PLAGL1: variants seen among roughly 807,000 people sequenced by gnomAD.
PLAGL1 encodes zinc finger protein PLAGL1.
Under a neutral mutation model 4.6 loss-of-function variants are expected in PLAGL1, and 1 was observed. The ratio of observed to expected loss-of-function variants is 0.22; its 90% CI spans 0.08 to 1.03. The LOEUF (loss-of-function observed/expected upper bound fraction) is 1.03. PLAGL1 is among the 50% of genes least tolerant of loss of function. PLAGL1 has a pLI of 0.58. For missense variants in PLAGL1, 464 were observed against 570.4 expected (o/e 0.81, Z 1.90); for synonymous variants, 240 against 237.8 (o/e 1.01, Z -0.08).
chr6:143,981,263 TG>T (rs1196487692), intron 2 of PLAGL1, among the ~76,000 whole-genome samples: 6 of 56,426 alleles, frequency 1.1e-4, no homozygotes, highest in Non-Finnish European at 2.2e-4. Context: ...GGGGGTGGGG[TG>T]GGGGGGACAC....
At chr6:144,026,886 T>C (rs1796380980) in intron 1 of PLAGL1, among the ~76,000 whole-genome samples, 1 of 152,068 alleles carries the variant, frequency 6.6e-6, no homozygotes, top group Non-Finnish European at 1.5e-5. Flanking sequence ...GACTTCTCAG[T>C]GCAAATTAAG....
At chr6:143,986,784 A>C (rs577898049) in intron 1 of PLAGL1, among the ~76,000 whole-genome samples, 1 of 152,310 alleles carries the variant, frequency 6.6e-6, no homozygotes, top group Admixed American at 6.5e-5. Flanking sequence ...ACAGTGCTTA[A>C]AAGGCGCCTG....
chr6:143,985,977 T>G lies in PLAGL1; in HGVS notation c.-583-803A>C, dbSNP rs544344693. Among the ~76,000 whole-genome samples the G allele has an allele frequency of 5.2e-3, 394 of 76,288 alleles. 6 individuals carry two copies. Among genetic ancestry groups the G allele is most frequent in the Middle Eastern group, 0.037 (6 of 160 alleles). 50.0% of individuals were successfully genotyped at this position (76,288 alleles called of 152,430 possible). A position where few individuals can be genotyped will look rare whatever the true frequency, so the allele number is the denominator to read the frequency against. On this transcript the variant is annotated intron_variant, in intron 1 of 7. Transcript: ENST00000674357. This position sits in a 1 kb window ranked among gnomAD's most constrained non-coding sequence, Gnocchi z 4.4. ...ACATATATATCAAATTATATATATA[T>G]AAAATTATATATATATATATATATA...
chr6:143,973,787 G>C lies in PLAGL1; in HGVS notation c.-543-4809C>G, dbSNP rs1451672928. 6.6e-6 allele frequency among the ~76,000 whole-genome samples: 1 copy of C among 152,188 alleles called. No homozygotes were observed. The highest frequency in any genetic ancestry group is 1.9e-4 in the East Asian group (1 of 5,198). On this transcript the variant is annotated intron_variant, in intron 2 of 7. Transcript: ENST00000674357. The surrounding 1 kb of genome is among the most constrained non-coding windows in gnomAD (Gnocchi z 6.2). ...AAGCTACTACAACGTGATGAATTCAGAGCTGCAGTTTCTAGGGTTACCTTA... is the reference window on the plus strand; with the variant it reads ...AAGCTACTACAACGTGATGAATTCACAGCTGCAGTTTCTAGGGTTACCTTA...
At position 144,022,407 on chromosome 6, in the gene PLAGL1, CA is replaced by C. The variant is rs2128699477; in HGVS notation, c.-151+42060del. ...ACAATACAAAATGTTAACAAGGATG[CA>C]GAGCAACAATCCATCATTGGTGATG... On this transcript the variant is annotated intron_variant, in intron 1 of 3. Transcript: ENST00000437412. The surrounding 1 kb of genome is among the most constrained non-coding windows in gnomAD (Gnocchi z 4.2). Among the ~76,000 whole-genome samples the C allele has an allele frequency of 6.6e-6, 1 of 152,266 alleles. No individual in the cohort carries two copies. Among genetic ancestry groups the C allele is most frequent in the South Asian group, 2.1e-4 (1 of 4,824 alleles).
rs776348354 is a variant in PLAGL1 at position 143,947,469 on chromosome 6, G to A, written c.152+516C>T. Among the ~76,000 whole-genome samples the A allele has an allele frequency of 3.3e-5, 5 of 152,184 alleles. No individual in the cohort carries two copies. Among genetic ancestry groups the A allele is most frequent in the Admixed American group, 1.3e-4 (2 of 15,274 alleles). On this transcript the variant is annotated intron_variant, in intron 7 of 7. Transcript: ENST00000674357. The surrounding 1 kb of genome is among the most constrained non-coding windows in gnomAD (Gnocchi z 4.3). Reference sequence around the variant, plus strand: ...CAGACAGAGGTAAGGCCTGCTATACGTGGCTTCCTTCCTGCCTGCACTTTT... The same window carrying A: ...CAGACAGAGGTAAGGCCTGCTATACATGGCTTCCTTCCTGCCTGCACTTTT...
rs750005818 is a variant in PLAGL1, at chr6:143,952,158, C to G, written c.-324-3698G>C. Among the ~76,000 whole-genome samples, 1 of 152,214 alleles carries G rather than the reference C, an allele frequency of 6.6e-6. No individual in the cohort carries two copies. The highest frequency in any genetic ancestry group is 2.4e-5 in the African/African-American group (1 of 41,448). ...GGGTATATACAACATCTCTCATCAC[C>G]ACGCACTTGATCAGTTCAAAGGCTG... On this transcript the variant is annotated intron_variant, in intron 6 of 7. Coordinates refer to ENST00000674357, the MANE Select transcript of PLAGL1 (RefSeq NM_001317162.2). This position sits in a 1 kb window ranked among gnomAD's most constrained non-coding sequence, Gnocchi z 6.1.
chr6:144,021,506 C>T (rs1795976652), intron 1 of PLAGL1, among the ~76,000 whole-genome samples: 1 of 152,094 alleles, frequency 6.6e-6, no homozygotes, highest in Non-Finnish European at 1.5e-5. Flanking sequence ...ATGAGACCTG[C>T]TTTTTAATGA....
chr6:144,009,581 AG>A (rs1311835866), upstream of PLAGL1, among the ~76,000 whole-genome samples: 1 of 152,194 alleles, frequency 6.6e-6, no homozygotes, highest in Non-Finnish European at 1.5e-5. Flanking sequence ...TTTGTTACAT[AG>A]GTATACACAT....
Position 143,970,532 on chromosome 6 carries a change from T to G in PLAGL1, c.-543-1554A>C, listed in dbSNP as rs1785225095. 6.6e-6 allele frequency among the ~76,000 whole-genome samples: 1 copy of G among 152,150 alleles called. No homozygotes were observed. Among genetic ancestry groups the G allele is most frequent in the Non-Finnish European group, 1.5e-5 (1 of 68,020 alleles). The stretch of plus-strand genomic sequence containing the variant: ...ATAGCTTTCTTGCAACTAAATCTAG[T>G]GGGTAAGGAGGATGTCTTGTTTTCA... On this transcript the variant is annotated intron_variant, in intron 2 of 7. Coordinates refer to ENST00000674357, the MANE Select transcript of PLAGL1 (RefSeq NM_001317162.2). The surrounding 1 kb of genome is among the most constrained non-coding windows in gnomAD (Gnocchi z 5.8).
In PLAGL1 at chr6:143,942,227, C is replaced by T. The variant is rs1778793806; in HGVS notation, c.589G>A (p.Asp197Asn). ...QFCAQRFGRK[D>N]HLTRHTKKTH... is the part of the protein sequence containing the mutation. ...TTCTTGGTATGCCGGGTGAGGTGAT[C>T]CTTGCGCCCAAATCTCTGGGCACAG... Residue 197 changes from aspartate (D) to asparagine (N), a missense_variant, in exon 8 of 8, where the codon GAT becomes AAT. Physicochemically the swap from Asp to Asn is conservative, Grantham distance 23. Around this residue, in one of 4 missense-constraint regions of PLAGL1, gnomAD observed 35 missense variants for 77.3 expected, o/e 0.45. Coordinates refer to ENST00000674357, the MANE Select transcript of PLAGL1 (RefSeq NM_001317162.2). This position sits in a 1 kb window ranked among gnomAD's most constrained non-coding sequence, Gnocchi z 7.6. 2 of 1,614,046 alleles carry T rather than the reference C, an allele frequency of 1.2e-6. No individual in the cohort carries two copies. The highest frequency in any genetic ancestry group is 1.7e-6 in the Non-Finnish European group (2 of 1,179,974).
At chr6:144,045,548 G>A (rs575943816) in intron 1 of PLAGL1, among the ~76,000 whole-genome samples, 58 of 152,244 alleles carry the variant, frequency 3.8e-4, no homozygotes, top group African/African-American at 1.3e-3. Context: ...AGTTTCTGGC[G>A]AGAGATCCAC....
In PLAGL1 at chr6:143,957,801, A is replaced by G. The variant is rs763929116; in HGVS notation, c.-325+2668T>C. ...GTGGACTGTTTGATCCTAAAATAAC[A>G]TATCACTAAATAAACAGAAAAAGGC... On this transcript the variant is annotated intron_variant, in intron 6 of 7. Transcript: ENST00000674357. This position sits in a 1 kb window ranked among gnomAD's most constrained non-coding sequence, Gnocchi z 4.2. Among the ~76,000 whole-genome samples the G allele has an allele frequency of 2.4e-4, 37 of 152,238 alleles. No individual in the cohort carries two copies. Among genetic ancestry groups the G allele is most frequent in the Non-Finnish European group, 4.0e-4 (27 of 68,046 alleles).
rs890697584 is a variant in PLAGL1 at position 143,990,066 on chromosome 6, CTT to C, written c.-583-4894_-583-4893del. Among the ~76,000 whole-genome samples, 1 of 152,144 alleles carries C rather than the reference CTT, an allele frequency of 6.6e-6. No homozygotes were observed. Among genetic ancestry groups the C allele is most frequent in the Non-Finnish European group, 1.5e-5 (1 of 68,018 alleles). The stretch of plus-strand genomic sequence containing the variant: ...AAATTTCTTATACATTATCTTCTCC[CTT>C]TTTACTAAAGATACTTGTCATCGAC... On this transcript the variant is annotated intron_variant, in intron 1 of 7. Transcript: ENST00000674357. This position sits in a 1 kb window ranked among gnomAD's most constrained non-coding sequence, Gnocchi z 5.4.
In PLAGL1 at chr6:144,050,518, C is replaced by T. The variant is rs1412528711; in HGVS notation, c.-151+13950G>A. Among the ~76,000 whole-genome samples the T allele has an allele frequency of 6.6e-6, 1 of 152,170 alleles. No individual in the cohort carries two copies. Among genetic ancestry groups the T allele is most frequent in the Non-Finnish European group, 1.5e-5 (1 of 68,022 alleles). On this transcript the variant is annotated intron_variant, in intron 1 of 3. Coordinates refer to the PLAGL1 transcript ENST00000437412. The surrounding 1 kb of genome is among the most constrained non-coding windows in gnomAD (Gnocchi z 4.3). ...CTGTCTCTTCTCTATGTTTATGTCT[C>T]TATTATTACATTATAGGCTTATTCT...
At position 143,964,850 on chromosome 6, in the gene PLAGL1, T is replaced by A. The variant is rs887981512; in HGVS notation, c.-430-32A>T. The A allele has an allele frequency of 3.9e-5, 6 of 152,240 alleles. No homozygotes were observed. Among genetic ancestry groups the A allele is most frequent in the South Asian group, 4.1e-4 (2 of 4,830 alleles). 9.4% of individuals were successfully genotyped at this position (152,240 alleles called of 1,614,324 possible). ...AGGGAGAGACACACAAAGTTATCTT[T>A]AAGGTCTTTATCTTGAGCTCTGAAT... On this transcript the variant is annotated intron_variant, in intron 4 of 7. Transcript: ENST00000674357. The surrounding 1 kb of genome is among the most constrained non-coding windows in gnomAD (Gnocchi z 4.3).
chr6:144,032,495 C>A lies in PLAGL1; in HGVS notation c.-151+31973G>T, dbSNP rs76085637. Among the ~76,000 whole-genome samples the A allele has an allele frequency of 5.8e-3, 888 of 152,068 alleles. 9 individuals are homozygous for A. The highest frequency in any genetic ancestry group is 0.021 in the African/African-American group (862 of 41,452). ...AGCTTCTTGGCAGAAATTTTAAGTT[C>A]TAAGTGGTAAAATAGTGTCATAATT... On this transcript the variant is annotated intron_variant, in intron 1 of 3. Transcript: ENST00000437412.
rs1439956054 is a variant in PLAGL1, at chr6:144,064,257, G to A, written c.-151+211C>T. Reference sequence around the variant, plus strand: ...ACAAAGGTGGCCGCCGGTGTCCCAAGCACCGACCGCCATCCCCGGCAGGAC... The same window carrying A: ...ACAAAGGTGGCCGCCGGTGTCCCAAACACCGACCGCCATCCCCGGCAGGAC... On this transcript the variant is annotated intron_variant, in intron 1 of 3. Transcript: ENST00000437412. This position sits in a 1 kb window ranked among gnomAD's most constrained non-coding sequence, Gnocchi z 6.8. Among the ~76,000 whole-genome samples the A allele has an allele frequency of 1.3e-5, 2 of 152,138 alleles. No homozygotes were observed. The highest frequency in any genetic ancestry group is 2.9e-5 in the Non-Finnish European group (2 of 68,004).
chr6:143,958,461 G>A lies in PLAGL1; in HGVS notation c.-325+2008C>T, dbSNP rs559737024. 8.5e-5 allele frequency among the ~76,000 whole-genome samples: 13 copies of A among 152,320 alleles called. No homozygotes were observed. Among genetic ancestry groups the A allele is most frequent in the Admixed American group, 8.5e-4 (13 of 15,300 alleles). ...AAACTGTGTACATGCATGGTTATGT[G>A]AGAAAAGTGAAGCTGCTGCACCTGT... On this transcript the variant is annotated intron_variant, in intron 6 of 7. Transcript: ENST00000674357. This position sits in a 1 kb window ranked among gnomAD's most constrained non-coding sequence, Gnocchi z 5.1.
Sources: allele counts gnomAD v4.1 joint callset (sites outside exome capture counted in the v4.1 genomes callset), GRCh38; gene constraint gnomAD v4.1.1; regional missense constraint gnomAD v4.1.1; non-coding constraint Gnocchi (gnomAD v3.1); transcripts MANE v1.5; gene names NCBI Gene and HGNC (gene_info 2026-07-23, HGNC 2026-07-21).